EIF4G3: variants seen among roughly 807,000 people sequenced by gnomAD.
EIF4G3 encodes the protein eIF-4-gamma 3.
EIF4G3 carries 34 observed loss-of-function variants against 186.4 expected under a neutral mutation model. That is an observed-to-expected ratio of 0.18 (90% CI 0.14 to 0.24). EIF4G3 has a LOEUF of 0.24. EIF4G3 is among the 10% of genes least tolerant of loss of function. EIF4G3 has a pLI of 1.00. For missense variants in EIF4G3, 1,536 were observed against 1,948.5 expected, an observed-to-expected ratio of 0.79 and a Z score of 3.99; for synonymous variants, 673 against 679.5, an observed-to-expected ratio of 0.99 and a Z score of 0.15.
chr1:20,852,346 G>A (rs1197033502), intron 27 of EIF4G3, among the ~76,000 whole-genome samples: 4 of 152,078 alleles, frequency 2.6e-5, no homozygotes, highest in African/African-American at 9.7e-5. Flanking sequence ...AATCTTTCAG[G>A]AATAAAGAAG....
At chr1:21,065,767 T>C (rs1028593163) in intron 3 of EIF4G3, among the ~76,000 whole-genome samples, 1 of 152,198 alleles carries the variant, frequency 6.6e-6, no homozygotes, top group Non-Finnish European at 1.5e-5. Flanking sequence ...TCATAATGCC[T>C]AGTATATAAA....
chr1:20,925,187 G>A (rs1044547067), intron 14 of EIF4G3, among the ~76,000 whole-genome samples: 1 of 152,090 alleles, frequency 6.6e-6, no homozygotes. Context: ...CCTTGGTATG[G>A]CTTTAAAATT....
chr1:20,902,443 TTATTTTAAAA>T (rs1316340801), intron 15 of EIF4G3, among the ~76,000 whole-genome samples: 2 of 152,084 alleles, frequency 1.3e-5, no homozygotes, highest in Non-Finnish European at 2.9e-5. Context: ...CAGAAACAAA[TTATTTTAAAA>T]GCTGACAAAA....
Position 20,845,695 on chromosome 1 carries a change from TA to T in EIF4G3, c.3888+3719del, listed in dbSNP as rs567880143. 4.9e-3 allele frequency among the ~76,000 whole-genome samples: 749 copies of T among 151,664 alleles called. 5 individuals carry two copies. The highest frequency in any genetic ancestry group is 0.017 in the African/African-American group (703 of 41,404). On this transcript the variant is annotated intron_variant, in intron 29 of 36. Coordinates refer to ENST00000602326, the MANE Select transcript of EIF4G3 (RefSeq NM_001391906.1). ...AAATAAATAATAAATAAATAAAAAA[TA>T]AAAAAAATACATATATATAGTTTGA...
chr1:20,957,861 C>G (rs1020764443), intron 12 of EIF4G3, among the ~76,000 whole-genome samples: 1 of 151,962 alleles, frequency 6.6e-6, no homozygotes, highest in South Asian at 2.1e-4. Context: ...AAAGACAAAC[C>G]CTGAACAGAC....
At chr1:21,019,427 C>A (rs928572204) in intron 4 of EIF4G3, among the ~76,000 whole-genome samples, 7 of 152,122 alleles carry the variant, frequency 4.6e-5, no homozygotes, top group Admixed American at 1.3e-4. Context: ...ACATGAAACT[C>A]ATAAATGGTA....
intron 31 of EIF4G3, 66 bp downstream of exon 31, chr1:20,829,081 G>C (rs906020497): frequency 6.5e-7 from 1 of 1,550,188 alleles, no homozygotes; most frequent in East Asian, 2.3e-5. Context: ...CTATGATAGA[G>C]AGCTAGCAAG....
intron 14 of EIF4G3, among the ~76,000 whole-genome samples, chr1:20,924,560 T>C (rs1360906028): frequency 6.6e-6 from 1 of 152,192 alleles, no homozygotes; most frequent in South Asian, 2.1e-4. Context: ...AGAGAATTGT[T>C]CTTTTTGTTT....
chr1:21,164,335 A>G (rs574099732), intron 2 of EIF4G3, among the ~76,000 whole-genome samples: 3 of 152,212 alleles, frequency 2.0e-5, no homozygotes, highest in Non-Finnish European at 2.9e-5. Context: ...TCCGGGCATA[A>G]AAAAGGATAG....
At chr1:21,021,787 C>G (rs954325865) in intron 4 of EIF4G3, among the ~76,000 whole-genome samples, 1 of 152,092 alleles carries the variant, frequency 6.6e-6, no homozygotes, top group African/African-American at 2.4e-5. Context: ...AACTCCTGAA[C>G]TCAGGTGATC....
intron 8 of EIF4G3, among the ~76,000 whole-genome samples, chr1:20,981,954 ACTG>A (rs2078387166): frequency 6.6e-6 from 1 of 152,190 alleles, no homozygotes. Context: ...CTCCTAAAAG[ACTG>A]CTGTTCAAGT....
At chr1:21,113,842 C>T (rs1291858232) in intron 2 of EIF4G3, among the ~76,000 whole-genome samples, 1 of 152,114 alleles carries the variant, frequency 6.6e-6, no homozygotes, top group African/African-American at 2.4e-5. Context: ...TGGTAAAACC[C>T]CGTCTCTTCA....
chr1:21,126,061 A>G (rs1173805394), intron 2 of EIF4G3, among the ~76,000 whole-genome samples: 1 of 151,502 alleles, frequency 6.6e-6, no homozygotes, highest in African/African-American at 2.4e-5. Context: ...AAAATTAGGC[A>G]GGCGTGGTGG....
chr1:20,997,735 A>G (rs1158723852), intron 6 of EIF4G3, 102 bp from the exon 7 acceptor site: 1 of 870,128 alleles, frequency 1.1e-6, no homozygotes, highest in Non-Finnish European at 1.7e-6. Flanking sequence ...AAGAAAAAAA[A>G]CCCACAGTGG....
In EIF4G3 at chr1:20,957,658, G is replaced by A. The variant is rs938072198; in HGVS notation, c.715-7547C>T. On this transcript the variant is annotated intron_variant, in intron 12 of 36. Transcript: ENST00000602326. ...GAAAAAATAGATAGACTATTCACTA[G>A]AATAACCAAGAAAAGAGAGAAGATC... Among the ~76,000 whole-genome samples, 19 of 151,768 alleles carry A rather than the reference G, an allele frequency of 1.3e-4. 1 individual carries two copies. The highest frequency in any genetic ancestry group is 4.6e-4 in the African/African-American group (19 of 41,428).
intron 14 of EIF4G3, among the ~76,000 whole-genome samples, chr1:20,910,010 T>C (rs12401413): frequency 0.32 from 48,895 of 151,872 alleles, 8,526 homozygotes; most frequent in Non-Finnish European, 0.39. Context: ...CTGAAACTCC[T>C]GGGCTCAAGT....
chr1:21,074,420 T>C (rs377018104), intron 3 of EIF4G3, among the ~76,000 whole-genome samples: 3 of 152,318 alleles, frequency 2.0e-5, no homozygotes, highest in East Asian at 3.9e-4. Context: ...TAAGAATGCC[T>C]AACATTATGA....
chr1:20,928,224 T>A (rs1273313285), intron 14 of EIF4G3, among the ~76,000 whole-genome samples: 1 of 152,100 alleles, frequency 6.6e-6, no homozygotes, highest in Non-Finnish European at 1.5e-5. Context: ...TTGTATAAAT[T>A]TATTTATACA....
chr1:20,856,389 G>T (rs1211048719), intron 25 of EIF4G3, among the ~76,000 whole-genome samples: 2 of 152,118 alleles, frequency 1.3e-5, no homozygotes, highest in Non-Finnish European at 2.9e-5. Context: ...CCGATTTTCA[G>T]AACTATGGGA....
Sources: allele counts gnomAD v4.1 joint callset (sites outside exome capture counted in the v4.1 genomes callset), GRCh38; gene constraint gnomAD v4.1.1; transcripts MANE v1.5; gene names NCBI Gene and HGNC (gene_info 2026-07-23, HGNC 2026-07-21).